Variants in PRR16 observed in about 807,000 individuals in gnomAD.
The protein encoded by PRR16 is proline rich 16.
In PRR16, 6 loss-of-function variants were observed where a neutral mutation model predicts 18.2. The observed-to-expected ratio is 0.33, with a 90% CI of 0.18 to 0.65. The LOEUF is 0.65. Among genes scored for constraint, PRR16 ranks in the 30% least tolerant of loss-of-function variants. PRR16 has a pLI of 0.74. For missense variants in PRR16, 412 were observed against 376.6 expected (o/e 1.09, Z -0.78); for synonymous variants, 151 against 147.8 (o/e 1.02, Z -0.16).
intron 1 of PRR16, among the ~76,000 whole-genome samples, chr5:120,480,304 A>G (rs1749569455): frequency 6.6e-6 from 1 of 152,152 alleles, no homozygotes. Flanking sequence ...TGAAGTTACT[A>G]ATACTCATAC....
chr5:120,606,267 G>A (rs576369175), intron 1 of PRR16, among the ~76,000 whole-genome samples: 1 of 152,242 alleles, frequency 6.6e-6, no homozygotes, highest in South Asian at 2.1e-4. Flanking sequence ...AGGCTGTGAT[G>A]GAGCCTCCTC....
intron 1 of PRR16, among the ~76,000 whole-genome samples, chr5:120,540,880 A>G (rs1219010820): frequency 6.6e-6 from 1 of 152,166 alleles, no homozygotes; most frequent in East Asian, 1.9e-4. Flanking sequence ...TCACAACTGT[A>G]ATTAAATTAT....
chr5:120,754,377 A>AATATATTATATAATATATAGT, the PRR16 span, among the ~76,000 whole-genome samples: 2 of 52,500 alleles, frequency 3.8e-5, no homozygotes. Context: ...TATAATATAT[A>AATATATTATATAATATATAGT]ACATATATAT....
chr5:120,573,301 T>C (rs549833511), intron 1 of PRR16, among the ~76,000 whole-genome samples: 2 of 152,304 alleles, frequency 1.3e-5, no homozygotes, highest in South Asian at 4.1e-4. Flanking sequence ...AAATTCTTGC[T>C]TTGAGATGTT....
At chr5:120,673,343 C>G (rs141216715) in intron 1 of PRR16, among the ~76,000 whole-genome samples, 119 of 152,310 alleles carry the variant, frequency 7.8e-4, no homozygotes, top group African/African-American at 2.7e-3. Context: ...ATTTCAAGTG[C>G]AGCTCACAAA....
At chr5:120,605,106 T>C (rs1279018151) in intron 1 of PRR16, among the ~76,000 whole-genome samples, 2 of 152,146 alleles carry the variant, frequency 1.3e-5, no homozygotes, top group Admixed American at 6.5e-5. Flanking sequence ...TTAGGGAAAT[T>C]TTTGTGGTTT....
At chr5:120,548,114 GA>G (rs1042667807) in intron 1 of PRR16, among the ~76,000 whole-genome samples, 1 of 151,826 alleles carries the variant, frequency 6.6e-6, no homozygotes, top group African/African-American at 2.4e-5. Flanking sequence ...CTTGATTTTA[GA>G]AAAAAACACA....
intron 1 of PRR16, among the ~76,000 whole-genome samples, chr5:120,544,816 C>G (rs1752025803): frequency 6.6e-6 from 1 of 151,992 alleles, no homozygotes; most frequent in Non-Finnish European, 1.5e-5. Flanking sequence ...AGGTGTCAGC[C>G]ACCACACCTG....
the PRR16 span, among the ~76,000 whole-genome samples, chr5:120,693,732 AAC>A: frequency 6.6e-6 from 1 of 152,038 alleles, no homozygotes; most frequent in East Asian, 1.9e-4. Flanking sequence ...CTCTTCTGCT[AAC>A]ACAGAGTGGG....
chr5:120,755,525 C>T, the PRR16 span, among the ~76,000 whole-genome samples: 4 of 152,048 alleles, frequency 2.6e-5, no homozygotes, highest in South Asian at 2.1e-4. Context: ...GGATAATGAT[C>T]TCTAGCTGTG....
chr5:120,692,464 G>A, the PRR16 span, among the ~76,000 whole-genome samples: 1 of 152,230 alleles, frequency 6.6e-6, no homozygotes, highest in East Asian at 1.9e-4. Context: ...AATCTTACTG[G>A]CGCTTTTACA....
intron 1 of PRR16, among the ~76,000 whole-genome samples, chr5:120,485,115 G>T (rs976550306): frequency 6.6e-6 from 1 of 151,782 alleles, no homozygotes; most frequent in African/African-American, 2.4e-5. Flanking sequence ...AATTTTGTTC[G>T]CATTTTAAAT....
At chr5:120,525,360 A>G (rs1224807297) in intron 1 of PRR16, among the ~76,000 whole-genome samples, 13 of 152,076 alleles carry the variant, frequency 8.5e-5, no homozygotes, top group Admixed American at 8.5e-4. Flanking sequence ...GAACTTAATA[A>G]ATTAAATATG....
At chr5:120,785,379 T>C in the PRR16 span, among the ~76,000 whole-genome samples, 10 of 152,166 alleles carry the variant, frequency 6.6e-5, no homozygotes, top group African/African-American at 2.4e-4. Flanking sequence ...ATGCCCAGCA[T>C]CAAGAAAGCT....
At position 120,543,532 on chromosome 5, in the gene PRR16, A is replaced by G. The variant is rs112291548; in HGVS notation, c.159+78887A>G. ...TGTAGTAATTAATCTATACCAGTATATAGTCCTTCAATTGAACATACACTT... is the reference window on the plus strand; with the variant it reads ...TGTAGTAATTAATCTATACCAGTATGTAGTCCTTCAATTGAACATACACTT... On this transcript the variant is annotated intron_variant, in intron 1 of 1. Coordinates refer to ENST00000407149, the MANE Select transcript of PRR16 (RefSeq NM_001300783.2). 5.6e-3 allele frequency among the ~76,000 whole-genome samples: 852 copies of G among 152,338 alleles called. 7 individuals are homozygous for G. The highest frequency in any genetic ancestry group is 0.019 in the African/African-American group (806 of 41,596).
the PRR16 span, among the ~76,000 whole-genome samples, chr5:120,712,906 C>G: frequency 1.3e-5 from 2 of 151,900 alleles, no homozygotes; most frequent in Non-Finnish European, 2.9e-5. Context: ...TTATTGGAGA[C>G]AATATAGAGG....
intron 1 of PRR16, among the ~76,000 whole-genome samples, chr5:120,479,091 T>C (rs1699109984): frequency 6.6e-6 from 1 of 152,094 alleles, no homozygotes; most frequent in Admixed American, 6.6e-5. Flanking sequence ...TTCAAAAATA[T>C]GGGTACTTAT....
At chr5:120,519,726 G>A (rs1395487526) in intron 1 of PRR16, among the ~76,000 whole-genome samples, 1 of 151,996 alleles carries the variant, frequency 6.6e-6, no homozygotes, top group Non-Finnish European at 1.5e-5. Flanking sequence ...TGAAAGAGCA[G>A]CTTTTATTTT....
At chr5:120,785,171 T>C in the PRR16 span, among the ~76,000 whole-genome samples, 1 of 152,162 alleles carries the variant, frequency 6.6e-6, no homozygotes, top group Non-Finnish European at 1.5e-5. Flanking sequence ...AGTAAGGCAG[T>C]ATTGGTTATT....
Sources: gnomAD v4.1 joint callset for allele counts (sites outside exome capture counted in the v4.1 genomes callset) on GRCh38, gnomAD v4.1.1 for gene constraint, MANE v1.5 for transcripts, NCBI Gene and HGNC (gene_info 2026-07-23, HGNC 2026-07-21) for gene names.